The following WDR72 variants were observed in gnomAD, a reference collection of about 807,000 sequenced individuals.
The protein encoded by WDR72 is WD repeat-containing protein 72.
A neutral mutation model predicts 124.2 loss-of-function variants in WDR72; 120 were observed. The ratio of observed to expected loss-of-function variants is 0.97; its 90% CI spans 0.83 to 1.12. The LOEUF (loss-of-function observed/expected upper bound fraction) is 1.12, where lower values mean the gene tolerates loss of function less well. Ranked by LOEUF, WDR72 falls within the 50% of genes most tolerant of loss-of-function variation. The pLI, the probability that WDR72 is intolerant of heterozygous loss-of-function variation, is 0.00. For missense variants in WDR72, 1,387 were observed against 1,278.8 expected, an observed-to-expected ratio of 1.08 and a Z score of -1.29; for synonymous variants, 452 against 441.7, an observed-to-expected ratio of 1.02 and a Z score of -0.29.
At chr15:53,636,216 G>A (rs1201133258) in intron 14 of WDR72, among the ~76,000 whole-genome samples, 2 of 152,216 alleles carry the variant, frequency 1.3e-5, no homozygotes, top group African/African-American at 2.4e-5. Context: ...TCCCAATTAA[G>A]TCTGTTTCAC....
At chr15:53,682,303 G>C (rs1440896252) in intron 13 of WDR72, among the ~76,000 whole-genome samples, 1 of 152,194 alleles carries the variant, frequency 6.6e-6, no homozygotes, top group African/African-American at 2.4e-5. Context: ...GACGACTGTG[G>C]TGGGCCTGTG....
intron 14 of WDR72, among the ~76,000 whole-genome samples, chr15:53,655,230 CAAAAAAAAAAAAAAAAAA>C (rs531072099): frequency 1.8e-5 from 1 of 54,616 alleles, no homozygotes; most frequent in South Asian, 9.9e-4. Context: ...GATGCCATCT[CAAAAAAAAAAAAAAAAAA>C]AAAAAAAAAA....
At chr15:53,700,443 A>G (rs1054748309) in intron 12 of WDR72, among the ~76,000 whole-genome samples, 7 of 152,184 alleles carry the variant, frequency 4.6e-5, no homozygotes, top group Non-Finnish European at 8.8e-5. Flanking sequence ...GACACAGTCT[A>G]AAAGAGGTAA....
At chr15:53,682,931 T>C (rs1042419949) in intron 13 of WDR72, among the ~76,000 whole-genome samples, 4 of 152,168 alleles carry the variant, frequency 2.6e-5, no homozygotes, top group African/African-American at 4.8e-5. Flanking sequence ...AGAGGCTTAA[T>C]TGACTCACAT....
intron 18 of WDR72, among the ~76,000 whole-genome samples, chr15:53,563,232 C>T (rs1894185164): frequency 6.6e-6 from 1 of 151,556 alleles, no homozygotes; most frequent in South Asian, 2.1e-4. Flanking sequence ...AAAGACACAT[C>T]CTTAGAACTT....
chr15:53,524,938 C>T (rs1002603937), intron 18 of WDR72, among the ~76,000 whole-genome samples: 3 of 152,000 alleles, frequency 2.0e-5, no homozygotes, highest in African/African-American at 7.2e-5. Flanking sequence ...GCTAAATGTC[C>T]TTCTGATCCA....
At chr15:53,601,639 G>GAGGAAAATCTACCAAGCAAGTGGAAAAA in intron 17 of WDR72, among the ~76,000 whole-genome samples, 1 of 152,226 alleles carries the variant, frequency 6.6e-6, no homozygotes, top group Non-Finnish European at 1.5e-5. Context: ...TAAAGGGTTG[G>GAGGAAAATCTACCAAGCAAGTGGAAAAA]AGGAAAATCT....
chr15:53,730,120 T>C (rs1227001978), intron 2 of WDR72, among the ~76,000 whole-genome samples: 1 of 152,222 alleles, frequency 6.6e-6, no homozygotes, highest in African/African-American at 2.4e-5. Flanking sequence ...GCAACCCATG[T>C]ATGTATCCAT....
chr15:53,588,399 G>A (rs1394711015), intron 18 of WDR72, among the ~76,000 whole-genome samples: 1 of 152,036 alleles, frequency 6.6e-6, no homozygotes, highest in Non-Finnish European at 1.5e-5. Flanking sequence ...GTTATAAAAG[G>A]AGTGTAGAAA....
chr15:53,600,216 C>T (rs560412191), intron 17 of WDR72, among the ~76,000 whole-genome samples: 4 of 152,174 alleles, frequency 2.6e-5, no homozygotes, highest in African/African-American at 9.6e-5. Context: ...AATTTATTGA[C>T]AGTTTATAAC....
At chr15:53,761,208 A>G (rs1056827283), upstream of WDR72, among the ~76,000 whole-genome samples, 18 of 152,242 alleles carry the variant, frequency 1.2e-4, no homozygotes, top group African/African-American at 3.9e-4. Flanking sequence ...AAATAGGCAT[A>G]TGAAAAGGTG....
intron 18 of WDR72, among the ~76,000 whole-genome samples, chr15:53,569,073 A>AT (rs1351443476): frequency 1.1e-5 from 1 of 87,726 alleles, no homozygotes; most frequent in Non-Finnish European, 2.3e-5. Context: ...CATAATACTA[A>AT]TCTAAAGTTT....
chr15:53,720,206 C>T (rs1442271480), intron 3 of WDR72, among the ~76,000 whole-genome samples: 1 of 151,948 alleles, frequency 6.6e-6, no homozygotes, highest in Non-Finnish European at 1.5e-5. Flanking sequence ...TCTGTAGCTA[C>T]TAAACAATAC....
chr15:53,654,676 CA>C (rs2015355308), intron 14 of WDR72, among the ~76,000 whole-genome samples: 1 of 152,160 alleles, frequency 6.6e-6, no homozygotes, highest in South Asian at 2.1e-4. Context: ...TAACTAATCT[CA>C]GTAGCTATCT....
intron 18 of WDR72, among the ~76,000 whole-genome samples, chr15:53,576,763 AG>A (rs1416431192): frequency 6.6e-6 from 1 of 152,114 alleles, no homozygotes; most frequent in African/African-American, 2.4e-5. Flanking sequence ...TCTGCAAAAA[AG>A]GTTATTATCT....
At chr15:53,560,627 G>T (rs537899226) in intron 18 of WDR72, among the ~76,000 whole-genome samples, 1 of 151,940 alleles carries the variant, frequency 6.6e-6, no homozygotes, top group African/African-American at 2.4e-5. Flanking sequence ...CTAAAATAGA[G>T]AATGGCCTTT....
chr15:53,579,392 T>C (rs1281996745), intron 18 of WDR72, among the ~76,000 whole-genome samples: 9 of 152,144 alleles, frequency 5.9e-5, no homozygotes, highest in Non-Finnish European at 8.8e-5. Context: ...TTTTAAGTTT[T>C]ACCTAAACCT....
intron 11 of WDR72, 55 bp from the exon 12 acceptor site, chr15:53,702,409 G>A (rs895648200): frequency 2.8e-5 from 40 of 1,413,024 alleles, no homozygotes; most frequent in Middle Eastern, 1.8e-4. Flanking sequence ...TCAGAAAATC[G>A]TCCCAAGATT....
At chr15:53,594,673 T>G (rs1008669466) in intron 18 of WDR72, among the ~76,000 whole-genome samples, 1 of 150,144 alleles carries the variant, frequency 6.7e-6, no homozygotes, top group African/African-American at 2.4e-5. Context: ...TTGCCTATAG[T>G]CCCAGCTACT....
Sources: allele counts gnomAD v4.1 joint callset (sites outside exome capture counted in the v4.1 genomes callset), GRCh38; gene constraint gnomAD v4.1.1; transcripts MANE v1.5; gene names NCBI Gene and HGNC (gene_info 2026-07-23, HGNC 2026-07-21).